MTARC2: variants seen among roughly 807,000 people sequenced by gnomAD.
The protein encoded by MTARC2 is mitochondrial amidoxime reducing component 2.
A neutral mutation model predicts 35.6 loss-of-function variants in MTARC2; 27 were observed. That is an observed-to-expected ratio of 0.76 (90% CI 0.56 to 1.04). The LOEUF is 1.04. Among genes scored for constraint, MTARC2 ranks in the 50% least tolerant of loss-of-function variants. MTARC2 has a pLI of 0.00. For missense variants in MTARC2, 412 were observed against 432.5 expected, an observed-to-expected ratio of 0.95 and a Z score of 0.42; for synonymous variants, 158 against 167.1, an observed-to-expected ratio of 0.95 and a Z score of 0.42.
At chr1:220,780,111 G>A (rs763219100) in intron 5 of MTARC2, 32 bp downstream of exon 5, 42 of 1,606,174 alleles carry the variant, frequency 2.6e-5, no homozygotes, top group Non-Finnish European at 3.1e-5. Context: ...CAGGACTGTG[G>A]TGTGGCCCAT....
intron 4 of MTARC2, among the ~76,000 whole-genome samples, chr1:220,774,954 CGTGT>C (rs143387283): frequency 2.0e-5 from 3 of 150,066 alleles, no homozygotes; most frequent in African/African-American, 4.9e-5. Context: ...CGTGTGTGTG[CGTGT>C]GTGTGTGTGT....
In MTARC2 at chr1:220,757,449, A is replaced by T. The variant is rs368084803; in HGVS notation, c.446+2329A>T. Among the ~76,000 whole-genome samples, 15 of 152,344 alleles carry T rather than the reference A, an allele frequency of 9.8e-5. No homozygotes were observed. The East Asian group carries it at 1.2e-3, about 12-fold the overall frequency. On this transcript the variant is annotated intron_variant, in intron 2 of 7. Transcript: ENST00000366913. ...AAGGGAACTGCTAAAAACTGAAGAAATAACATAGATAGTGTGTTTAGCTAG... is the reference window on the plus strand; with the variant it reads ...AAGGGAACTGCTAAAAACTGAAGAATTAACATAGATAGTGTGTTTAGCTAG...
intron 1 of MTARC2, among the ~76,000 whole-genome samples, chr1:220,751,355 G>A (rs970214417): frequency 2.0e-5 from 3 of 152,184 alleles, no homozygotes; most frequent in Non-Finnish European, 1.5e-5. Context: ...CAGTTGCTGG[G>A]AGGGCGTGCT....
At chr1:220,749,421 C>A (rs1671071915) in intron 1 of MTARC2, among the ~76,000 whole-genome samples, 1 of 100,848 alleles carries the variant, frequency 9.9e-6, no homozygotes, top group South Asian at 3.3e-4. Flanking sequence ...ATTAAGATGC[C>A]TTCTTCTTTT....
chr1:220,773,613 A>T (rs1217586298), intron 4 of MTARC2, among the ~76,000 whole-genome samples: 1 of 152,104 alleles, frequency 6.6e-6, no homozygotes, highest in Non-Finnish European at 1.5e-5. Context: ...TACCTAAGGG[A>T]TCTCTACTTG....
chr1:220,750,934 C>T (rs1671108764), intron 1 of MTARC2, among the ~76,000 whole-genome samples: 1 of 152,108 alleles, frequency 6.6e-6, no homozygotes, highest in African/African-American at 2.4e-5. Flanking sequence ...CGAACTTCTA[C>T]AAAGTTGTCT....
chr1:220,768,866 G>A (rs1671655145), intron 4 of MTARC2, among the ~76,000 whole-genome samples: 2 of 152,192 alleles, frequency 1.3e-5, no homozygotes, highest in African/African-American at 2.4e-5. Flanking sequence ...CCTCCCTGCA[G>A]GCGTTTGTGG....
chr1:220,781,762 T>G lies in MTARC2; in HGVS notation c.885-16T>G, dbSNP rs371618763. 1.2e-6 allele frequency: 2 copies of G among 1,613,754 alleles called. No homozygotes were observed. The highest frequency in any genetic ancestry group is 1.1e-5 in the South Asian group (1 of 91,018). ...TTCCTTTTTGTGTCTGATGATTGAA[T>G]TTTTGCTTGTTTCAGCTACCGCCTG... On this transcript the variant is annotated splice_polypyrimidine_tract_variant and intron_variant, in intron 6 of 7. Coordinates refer to ENST00000366913, the MANE Select transcript of MTARC2 (RefSeq NM_017898.5).
chr1:220,781,838 C>G lies in MTARC2; in HGVS notation c.945C>G (p.Ile315Met). 1 of 1,614,082 alleles carries G rather than the reference C, an allele frequency of 6.2e-7. No individual in the cohort carries two copies. Among genetic ancestry groups the G allele is most frequent in the Admixed American group, 1.7e-5 (1 of 60,014 alleles). Residue 315 changes from isoleucine to methionine, a missense_variant, in exon 7 of 8, where the codon ATC becomes ATG. Physicochemically the swap from Ile to Met is conservative, Grantham distance 10. Coordinates refer to ENST00000366913, the MANE Select transcript of MTARC2 (RefSeq NM_017898.5). ...ACAAGTTGTCTCCACTTTTTGGGATCTATTATTCAGTGGAAAAAATTGGAA... is the reference window on the plus strand; with the variant it reads ...ACAAGTTGTCTCCACTTTTTGGGATGTATTATTCAGTGGAAAAAATTGGAA... The part of the protein sequence containing the change: ...ELYKLSPLFG[I>M]YYSVEKIGSL...
At chr1:220,749,836 C>G (rs1039446465) in intron 1 of MTARC2, among the ~76,000 whole-genome samples, 9 of 152,162 alleles carry the variant, frequency 5.9e-5, no homozygotes, top group African/African-American at 2.2e-4. Context: ...AGAGAGCCAC[C>G]TGCATCCCTG....
At chr1:220,750,032 C>A (rs916113816) in intron 1 of MTARC2, among the ~76,000 whole-genome samples, 1 of 152,074 alleles carries the variant, frequency 6.6e-6, no homozygotes, top group African/African-American at 2.4e-5. Context: ...TCCTGGAGAG[C>A]TTTTTCAACT....
rs569650276 is a variant in MTARC2 at position 220,783,203 on chromosome 1, ATATCAGTGATGCATAAAAT to A, written c.*32-700_*32-682del. On this transcript the variant is annotated intron_variant, in intron 7 of 7. Coordinates refer to ENST00000366913, the MANE Select transcript of MTARC2 (RefSeq NM_017898.5). Reference sequence around the variant, plus strand: ...TAACATTCAGGATGCCTTTTGAAAAATATCAGTGATGCATAAAATTATCAGTGATGCATATAATAATGGT... The same window carrying A: ...TAACATTCAGGATGCCTTTTGAAAAATATCAGTGATGCATATAATAATGGT... 8.6e-3 allele frequency among the ~76,000 whole-genome samples: 1,312 copies of A among 152,384 alleles called. 23 individuals are homozygous for A. Among genetic ancestry groups the A allele is most frequent in the African/African-American group, 0.027 (1,134 of 41,592 alleles).
At chr1:220,765,004 G>A (rs1671543015) in intron 4 of MTARC2, among the ~76,000 whole-genome samples, 1 of 152,206 alleles carries the variant, frequency 6.6e-6, no homozygotes, top group Non-Finnish European at 1.5e-5. Context: ...ATGGCCAGGA[G>A]ACAATGACAG....
intron 4 of MTARC2, among the ~76,000 whole-genome samples, chr1:220,771,110 C>T (rs1671731908): frequency 6.6e-6 from 1 of 152,086 alleles, no homozygotes; most frequent in Non-Finnish European, 1.5e-5. Context: ...ACCAGCCTGA[C>T]CACTATGGTG....
At position 220,763,481 on chromosome 1, in the gene MTARC2, G is replaced by A. The variant is rs17008546; in HGVS notation, c.750+431G>A. ...CAAGAGGACACAGGCAATCTGCCCC[G>A]GAGACATACCATGCTGTGGCCTGAG... On this transcript the variant is annotated intron_variant, in intron 4 of 7. Transcript: ENST00000366913. 8.1e-3 allele frequency among the ~76,000 whole-genome samples: 1,229 copies of A among 152,214 alleles called. 22 individuals are homozygous for A. The highest frequency in any genetic ancestry group is 0.027 in the African/African-American group (1,141 of 41,528).
intron 7 of MTARC2, among the ~76,000 whole-genome samples, chr1:220,782,860 T>A (rs1672118783): frequency 6.6e-6 from 1 of 152,226 alleles, no homozygotes; most frequent in Admixed American, 6.5e-5. Context: ...AAAGTGGGAA[T>A]AATAGTACTT....
intron 4 of MTARC2, among the ~76,000 whole-genome samples, chr1:220,774,256 G>A (rs908596075): frequency 2.6e-5 from 4 of 152,120 alleles, no homozygotes; most frequent in South Asian, 4.2e-4. Flanking sequence ...TGGGAGACAC[G>A]AGGTTATATC....
rs1174240786 is a variant in MTARC2 at position 220,784,050 on chromosome 1, G to A, written c.*163G>A. On this transcript the variant is annotated 3_prime_UTR_variant, in exon 8 of 8. Transcript: ENST00000366913. ...TCTCGATTTTTGACTTTTCAAAGTTGTGTATGCTCCAGGTTAATGCAAGGA... is the reference window on the plus strand; with the variant it reads ...TCTCGATTTTTGACTTTTCAAAGTTATGTATGCTCCAGGTTAATGCAAGGA... The A allele has an allele frequency of 1.4e-6, 1 of 709,078 alleles. No homozygotes were observed. Among genetic ancestry groups the A allele is most frequent in the East Asian group, 2.7e-5 (1 of 37,164 alleles). 43.9% of individuals were successfully genotyped at this position (709,078 alleles called of 1,614,324 possible). A position where few individuals can be genotyped will look rare whatever the true frequency, so the allele number is the denominator to read the frequency against.
intron 2 of MTARC2, among the ~76,000 whole-genome samples, chr1:220,755,985 T>C (rs191719965): frequency 2.2e-4 from 33 of 152,188 alleles, no homozygotes; most frequent in African/African-American, 7.9e-4. Flanking sequence ...CAGGGCTGGG[T>C]GAGAAGGATG....
Sources: allele counts gnomAD v4.1 joint callset (sites outside exome capture counted in the v4.1 genomes callset), GRCh38; gene constraint gnomAD v4.1.1; transcripts MANE v1.5; gene names NCBI Gene and HGNC (gene_info 2026-07-23, HGNC 2026-07-21).